The following CDKAL1 variants were observed in gnomAD, a reference collection of about 807,000 sequenced individuals.
The protein encoded by CDKAL1 is CDKAL1 threonylcarbamoyladenosine tRNA methylthiotransferase, also known as threonylcarbamoyladenosine tRNA methylthiotransferase.
In CDKAL1, 32 loss-of-function variants were observed where a neutral mutation model predicts 68.2. The ratio of observed to expected loss-of-function variants is 0.47; its 90% CI spans 0.35 to 0.63. CDKAL1 has a LOEUF of 0.63. Among genes scored for constraint, CDKAL1 ranks in the 30% least tolerant of loss-of-function variants. The pLI is 0.00. For missense variants in CDKAL1, 606 were observed against 696.7 expected (o/e 0.87, Z 1.47); for synonymous variants, 234 against 244.3 (o/e 0.96, Z 0.39).
intron 6 of CDKAL1, among the ~76,000 whole-genome samples, chr6:20,742,296 T>C (rs1286061255): frequency 6.6e-6 from 1 of 152,054 alleles, no homozygotes; most frequent in Admixed American, 6.6e-5. Context: ...TTTTGCTGTT[T>C]TGTTCTGTCA....
chr6:20,674,829 T>C (rs1294431711), intron 5 of CDKAL1, among the ~76,000 whole-genome samples: 2 of 152,228 alleles, frequency 1.3e-5, no homozygotes. Flanking sequence ...TTTGTCTTTC[T>C]GTGCCTGGAT....
intron 8 of CDKAL1, among the ~76,000 whole-genome samples, chr6:20,820,886 A>ACT (rs1777248954): frequency 2.0e-5 from 3 of 152,062 alleles, no homozygotes; most frequent in African/African-American, 4.8e-5. Context: ...GACTAGATTA[A>ACT]AATGTCAGAT....
chr6:21,035,162 C>T (rs1769506680), intron 11 of CDKAL1, among the ~76,000 whole-genome samples: 1 of 152,104 alleles, frequency 6.6e-6, no homozygotes, highest in Non-Finnish European at 1.5e-5. Flanking sequence ...ATATTCTTCT[C>T]TATCAACAGC....
intron 6 of CDKAL1, among the ~76,000 whole-genome samples, chr6:20,744,965 G>A (rs967996649): frequency 7.2e-5 from 11 of 152,316 alleles, no homozygotes; most frequent in African/African-American, 2.4e-4. Context: ...GTTGTAAAAT[G>A]TTAAGACATG....
intron 5 of CDKAL1, among the ~76,000 whole-genome samples, chr6:20,664,648 A>G (rs1769441918): frequency 6.6e-6 from 1 of 152,204 alleles, no homozygotes; most frequent in Non-Finnish European, 1.5e-5. Flanking sequence ...TTAATTTGAT[A>G]ACAAAGGATT....
At chr6:20,777,906 G>C (rs574895494) in intron 7 of CDKAL1, among the ~76,000 whole-genome samples, 6 of 152,294 alleles carry the variant, frequency 3.9e-5, no homozygotes, top group Admixed American at 1.3e-4. Context: ...AAAGTTATGT[G>C]AATGTGGAGT....
At chr6:21,160,235 G>A (rs1776846395) in intron 13 of CDKAL1, among the ~76,000 whole-genome samples, 1 of 152,140 alleles carries the variant, frequency 6.6e-6, no homozygotes, top group Admixed American at 6.5e-5. Context: ...CTCCTGAGCA[G>A]TCACCTTTTT....
At chr6:20,992,920 A>G (rs1351886924) in intron 10 of CDKAL1, among the ~76,000 whole-genome samples, 1 of 146,464 alleles carries the variant, frequency 6.8e-6, no homozygotes, top group African/African-American at 2.5e-5. Context: ...AAAAAAAAAG[A>G]AATAAATCCT....
intron 4 of CDKAL1, among the ~76,000 whole-genome samples, chr6:20,570,601 G>A (rs1764660978): frequency 6.6e-6 from 1 of 152,130 alleles, no homozygotes; most frequent in Non-Finnish European, 1.5e-5. Context: ...GAGTTTCACT[G>A]TGTTGGCCAG....
At chr6:20,889,496 T>A (rs1761266668) in intron 9 of CDKAL1, among the ~76,000 whole-genome samples, 1 of 152,154 alleles carries the variant, frequency 6.6e-6, no homozygotes. Flanking sequence ...AGGGTTTTTA[T>A]GGTTTTAGGT....
chr6:21,205,802 A>G (rs1369231316), intron 15 of CDKAL1, among the ~76,000 whole-genome samples: 2 of 129,282 alleles, frequency 1.5e-5, no homozygotes, highest in Admixed American at 8.3e-5. Flanking sequence ...AAGTGCTGGG[A>G]TTACATGCGT....
chr6:20,791,839 TCTA>T (rs1274984985), intron 8 of CDKAL1, among the ~76,000 whole-genome samples: 1 of 152,150 alleles, frequency 6.6e-6, no homozygotes, highest in Non-Finnish European at 1.5e-5. Context: ...TTTTCCCACT[TCTA>T]CTGGAGCTAA....
At chr6:21,054,501 T>C (rs13215037) in intron 11 of CDKAL1, among the ~76,000 whole-genome samples, 397 of 152,316 alleles carry the variant, frequency 2.6e-3, no homozygotes, top group Middle Eastern at 0.017. Flanking sequence ...CTTGCTGTTA[T>C]TTTGATAGGA....
chr6:20,904,375 GA>G (rs1240124371), intron 9 of CDKAL1, among the ~76,000 whole-genome samples: 1 of 151,446 alleles, frequency 6.6e-6, no homozygotes, highest in Non-Finnish European at 1.5e-5. Flanking sequence ...ATCTCATAAA[GA>G]AAAAAAAGAT....
intron 4 of CDKAL1, among the ~76,000 whole-genome samples, chr6:20,616,583 GTC>G (rs1766913633): frequency 6.8e-6 from 1 of 146,618 alleles, no homozygotes; most frequent in Non-Finnish European, 1.5e-5. Flanking sequence ...CTCTCTGTTT[GTC>G]TGTTATTGGT....
chr6:20,866,517 C>T (rs1183817559), intron 9 of CDKAL1, among the ~76,000 whole-genome samples: 1 of 152,204 alleles, frequency 6.6e-6, no homozygotes, highest in East Asian at 1.9e-4. Flanking sequence ...TTGTGGTTTA[C>T]ACCAGAAATT....
At chr6:20,885,809 CA>C (rs1161895594) in intron 9 of CDKAL1, among the ~76,000 whole-genome samples, 2 of 152,156 alleles carry the variant, frequency 1.3e-5, no homozygotes, top group African/African-American at 4.8e-5. Context: ...CAGCCTGATG[CA>C]ATGACTCACA....
intron 9 of CDKAL1, among the ~76,000 whole-genome samples, chr6:20,910,893 C>G (rs114418625): frequency 6.6e-6 from 1 of 152,332 alleles, no homozygotes; most frequent in East Asian, 1.9e-4. Context: ...GATGCTTCTA[C>G]TGGTTAAGGA....
intron 8 of CDKAL1, among the ~76,000 whole-genome samples, chr6:20,802,315 C>CAATAATAATAAT (rs55851833): frequency 1.6e-4 from 19 of 115,490 alleles, no homozygotes; most frequent in South Asian, 8.3e-4. Context: ...ACAACAACAA[C>CAATAATAATAAT]AATAATAATA....
Sources: gnomAD v4.1 joint callset for allele counts (sites outside exome capture counted in the v4.1 genomes callset) on GRCh38, gnomAD v4.1.1 for gene constraint, MANE v1.5 for transcripts, NCBI Gene and HGNC (gene_info 2026-07-23, HGNC 2026-07-21) for gene names.